The following BRAF variants were observed in gnomAD, a reference collection of about 807,000 sequenced individuals.
The protein encoded by BRAF is B-Raf proto-oncogene, serine/threonine kinase.
In BRAF, 16 loss-of-function variants were observed where a neutral mutation model predicts 104.6. The ratio of observed to expected loss-of-function variants is 0.15; its 90% confidence interval spans 0.10 to 0.23. The LOEUF is 0.23. BRAF is among the 10% of genes least tolerant of loss of function. The pLI is 1.00. For missense variants in BRAF, 541 were observed against 937.3 expected, an observed-to-expected ratio of 0.58 and a Z score of 5.52; for synonymous variants, 310 against 341.6, an observed-to-expected ratio of 0.91 and a Z score of 1.02.
At chr7:140,884,181 A>G (rs1427213855) in intron 1 of BRAF, 2 of 152,054 alleles carry the variant, frequency 1.3e-5, no homozygotes, top group Non-Finnish European at 2.9e-5. Context: ...ATATTTTTAA[A>G]AATTAAAAAA....
rs573518457 is a variant in BRAF at position 140,754,021 on chromosome 7, C to T, written c.1861+166G>A. The T allele has an allele frequency of 1.0e-5, 7 of 692,080 alleles. No individual in the cohort carries two copies. The South Asian group carries it at 1.2e-4, about 12-fold the overall frequency. The allele number at this position is 692,080 out of a possible 1,614,324, so 42.9% of individuals were successfully genotyped here. Reference sequence around the variant, plus strand: ...CAGTTGTCGAGAAACCAAAAGCAGGCTGTGGTATCCTGCTCTCCTATACAT... The same window carrying T: ...CAGTTGTCGAGAAACCAAAAGCAGGTTGTGGTATCCTGCTCTCCTATACAT... On this transcript the variant is annotated intron_variant, in intron 15 of 19. Coordinates refer to ENST00000644969, the MANE Select transcript of BRAF (RefSeq NM_001374258.1).
chr7:140,760,541 G>A (rs546345087), intron 14 of BRAF, among the ~76,000 whole-genome samples: 1 of 152,224 alleles, frequency 6.6e-6, no homozygotes, highest in South Asian at 2.1e-4. Context: ...AGTCTTTTGA[G>A]AAGTTTTACT....
At chr7:140,902,616 T>C (rs939553531) in intron 1 of BRAF, among the ~76,000 whole-genome samples, 3 of 152,092 alleles carry the variant, frequency 2.0e-5, no homozygotes, top group Non-Finnish European at 4.4e-5. Flanking sequence ...CAAGCACTAC[T>C]CCAGTGAATA....
chr7:140,909,738 C>T (rs540495889), intron 1 of BRAF, among the ~76,000 whole-genome samples: 1 of 152,020 alleles, frequency 6.6e-6, no homozygotes, highest in African/African-American at 2.4e-5. Context: ...ATTAAAGGTG[C>T]CTCAGTTACA....
At chr7:140,729,094 G>A (rs1795783463) in intron 19 of BRAF, among the ~76,000 whole-genome samples, 1 of 150,580 alleles carries the variant, frequency 6.6e-6, no homozygotes, top group South Asian at 2.1e-4. Context: ...TCAGTTGGAT[G>A]TGGTGGCACA....
At chr7:140,778,903 T>G (rs961417700) in intron 12 of BRAF, among the ~76,000 whole-genome samples, 3 of 152,078 alleles carry the variant, frequency 2.0e-5, no homozygotes, top group African/African-American at 7.2e-5. Context: ...CCATCAATGG[T>G]TACATGTTCA....
chr7:140,893,047 C>A (rs1171459339), intron 1 of BRAF, among the ~76,000 whole-genome samples: 1 of 152,130 alleles, frequency 6.6e-6, no homozygotes, highest in Non-Finnish European at 1.5e-5. Context: ...CCATCTCCTG[C>A]CTGGATGGAG....
At chr7:140,837,831 A>C (rs1807505890) in intron 2 of BRAF, among the ~76,000 whole-genome samples, 1 of 152,228 alleles carries the variant, frequency 6.6e-6, no homozygotes, top group Non-Finnish European at 1.5e-5. Flanking sequence ...TCCACTCTGA[A>C]GATCAAAGTC....
chr7:140,761,468 A>G (rs1798725268), intron 14 of BRAF, among the ~76,000 whole-genome samples: 1 of 152,130 alleles, frequency 6.6e-6, no homozygotes, highest in Admixed American at 6.6e-5. Flanking sequence ...GACTAGGAAG[A>G]AACTGCATCA....
Position 140,723,425 on chromosome 7 carries a change from C to A in BRAF, c.*3069G>T. The A allele has an allele frequency of 9.5e-7, 1 of 1,054,422 alleles. No homozygotes were observed. The highest frequency in any genetic ancestry group is 1.1e-6 in the Non-Finnish European group (1 of 872,684). 65.3% of individuals were successfully genotyped at this position (1,054,422 alleles called of 1,614,324 possible). ...TTATCTTCTAAAATGCCCCAGTATG[C>A]CCTACTAGATCTCAAATACAATCAG... is the stretch of plus-strand genomic sequence containing the variant. On this transcript the variant is annotated 3_prime_UTR_variant, in exon 20 of 20. Transcript: ENST00000644969.
At chr7:140,892,631 C>T (rs1457790379) in intron 1 of BRAF, among the ~76,000 whole-genome samples, 1 of 152,170 alleles carries the variant, frequency 6.6e-6, no homozygotes, top group African/African-American at 2.4e-5. Flanking sequence ...ATTTAGTACA[C>T]AGCAAGGATG....
chr7:140,777,888 C>G, intron 13 of BRAF, 103 bp downstream of exon 12: 2 of 1,142,256 alleles, frequency 1.8e-6, no homozygotes, highest in Non-Finnish European at 2.6e-6. Context: ...CAAATTTATT[C>G]ATTTTGAGTA....
intron 19 of BRAF, among the ~76,000 whole-genome samples, chr7:140,730,285 T>C (rs1795865570): frequency 6.6e-6 from 1 of 151,956 alleles, no homozygotes; most frequent in Non-Finnish European, 1.5e-5. Flanking sequence ...TCTTGGTATA[T>C]TAATTAATAA....
At chr7:140,878,136 T>C (rs907830186) in intron 1 of BRAF, among the ~76,000 whole-genome samples, 8 of 151,794 alleles carry the variant, frequency 5.3e-5, no homozygotes, top group Non-Finnish European at 1.2e-4. Context: ...CAAGAAAAAT[T>C]AGAAAATACT....
At chr7:140,851,390 G>A (rs1438891773) in intron 1 of BRAF, among the ~76,000 whole-genome samples, 1 of 151,888 alleles carries the variant, frequency 6.6e-6, no homozygotes, top group African/African-American at 2.4e-5. Context: ...ACTATTCAAA[G>A]TTATAATGAA....
intron 14 of BRAF, among the ~76,000 whole-genome samples, chr7:140,759,777 G>A (rs143651283): frequency 6.6e-6 from 1 of 152,302 alleles, no homozygotes; most frequent in African/African-American, 2.4e-5. Context: ...TGAGTAGAAG[G>A]GTAATCAGGA....
At position 140,721,270 on chromosome 7, in the gene BRAF, G is replaced by C; in HGVS notation, c.*5224C>G. ...AATAAAAGTACTTTAGTCACTCATT[G>C]AGTTGCCGACTAATTGCCCCATGCA... is the stretch of plus-strand genomic sequence containing the variant. On this transcript the variant is annotated 3_prime_UTR_variant, in exon 20 of 20. Coordinates refer to ENST00000644969, the MANE Select transcript of BRAF (RefSeq NM_001374258.1). 10 of 1,132,472 alleles carry C rather than the reference G, an allele frequency of 8.8e-6. No homozygotes were observed. The highest frequency in any genetic ancestry group is 1.1e-5 in the Non-Finnish European group (10 of 925,442). The allele number at this position is 1,132,472 out of a possible 1,614,324, so 70.2% of individuals were successfully genotyped here. A position where few individuals can be genotyped will look rare whatever the true frequency, so the allele number is the denominator to read the frequency against.
intron 7 of BRAF, chr7:140,799,262 C>A (rs1328540039): frequency 4.3e-6 from 1 of 231,896 alleles, no homozygotes; most frequent in Non-Finnish European, 8.5e-6. Context: ...TTCCATACTT[C>A]TAGCACTTGA....
intron 1 of BRAF, among the ~76,000 whole-genome samples, chr7:140,852,419 A>G (rs932275843): frequency 1.4e-4 from 22 of 151,866 alleles, no homozygotes; most frequent in Non-Finnish European, 2.9e-4. Context: ...AAAACCAAAC[A>G]AACAAACAAA....
Sources: gnomAD v4.1 joint callset for allele counts (sites outside exome capture counted in the v4.1 genomes callset) on GRCh38, gnomAD v4.1.1 for gene constraint, MANE v1.5 for transcripts, NCBI Gene and HGNC (gene_info 2026-07-23, HGNC 2026-07-21) for gene names.